Variants in WDR88 observed in about 807,000 individuals in gnomAD.
The protein encoded by WDR88 is WD repeat-containing protein 88.
Under a neutral mutation model 46.8 loss-of-function variants are expected in WDR88, and 40 were observed. The ratio of observed to expected loss-of-function variants is 0.86; its 90% CI spans 0.66 to 1.11. WDR88 has a LOEUF of 1.11. WDR88 is among the 50% of genes most tolerant of loss of function. WDR88 has a pLI of 0.00. For missense variants in WDR88, 562 were observed against 602.4 expected, an observed-to-expected ratio of 0.93 and a Z score of 0.70; for synonymous variants, 235 against 240.7, an observed-to-expected ratio of 0.98 and a Z score of 0.22.
At chr19:33,145,018 G>C in intron 3 of WDR88, 86 bp downstream of exon 3, 1 of 1,305,678 alleles carries the variant, frequency 7.7e-7, no homozygotes, top group Non-Finnish European at 1.1e-6. Context: ...TTTTGTTTTT[G>C]TTTTAAGTAA....
chr19:33,168,032 C>CTTTCT (rs544368936), intron 9 of WDR88, among the ~76,000 whole-genome samples: 13,743 of 137,712 alleles, frequency 0.1, 1,048 homozygotes, highest in Admixed American at 0.24. Context: ...TGATTTCTTT[C>CTTTCT]TTTTTTTTTT....
In WDR88 at chr19:33,148,698, C is replaced by T. The variant is rs1973569512; in HGVS notation, c.541-74C>T. On this transcript the variant is annotated intron_variant, in intron 4 of 10. Transcript: ENST00000355868. ...AAGCGATCCTCCAGCCTTGGCCTCC[C>T]AAAGCACTGGGTTTACAGGTGTAAC... 7 of 1,589,542 alleles carry T rather than the reference C, an allele frequency of 4.4e-6. No individual in the cohort carries two copies. In the South Asian group the frequency reaches 7.9e-5, roughly 18 times the overall value.
intron 8 of WDR88, among the ~76,000 whole-genome samples, chr19:33,163,793 C>T (rs947603155): frequency 2.6e-5 from 4 of 151,698 alleles, no homozygotes; most frequent in African/African-American, 7.3e-5. Flanking sequence ...CCACCATGCT[C>T]GGCTAATATT....
chr19:33,163,847 T>A lies in WDR88; in HGVS notation c.1081-350T>A, dbSNP rs1166081531. Reference sequence around the variant, plus strand: ...TGGGGTTTCACTATGTTGCCCGGGCTGGTCTCAAACTCCTAGACTCAAGCA... The same window carrying A: ...TGGGGTTTCACTATGTTGCCCGGGCAGGTCTCAAACTCCTAGACTCAAGCA... On this transcript the variant is annotated intron_variant, in intron 8 of 10. Transcript: ENST00000355868. Among the ~76,000 whole-genome samples, 3 of 152,162 alleles carry A rather than the reference T, an allele frequency of 2.0e-5. No homozygotes were observed. The East Asian group carries it at 5.8e-4, about 29-fold the overall frequency.
At position 33,144,786 on chromosome 19, in the gene WDR88, G is replaced by A. The variant is rs537672757; in HGVS notation, c.388-58G>A. 1.3e-4 allele frequency: 203 copies of A among 1,527,464 alleles called. 1 individual carries two copies. The highest frequency in any genetic ancestry group is 1.8e-4 in the Non-Finnish European group (199 of 1,110,770). 94.6% of individuals were successfully genotyped at this position (1,527,464 alleles called of 1,614,324 possible). On this transcript the variant is annotated intron_variant, in intron 2 of 10. Coordinates refer to ENST00000355868, the MANE Select transcript of WDR88 (RefSeq NM_173479.4). ...AGGGCTAATGTTGACCTCGATTTACGACTTCAGCAAACACGGCAGTGACCA... is the reference window on the plus strand; with the variant it reads ...AGGGCTAATGTTGACCTCGATTTACAACTTCAGCAAACACGGCAGTGACCA...
chr19:33,157,586 TA>T (rs1366164724), intron 7 of WDR88, among the ~76,000 whole-genome samples: 1 of 144,812 alleles, frequency 6.9e-6, no homozygotes, highest in Admixed American at 7.1e-5. Context: ...TATATATATG[TA>T]TATATGTGTA....
At chr19:33,171,139 C>T (rs556499135) in intron 9 of WDR88, among the ~76,000 whole-genome samples, 1 of 152,188 alleles carries the variant, frequency 6.6e-6, no homozygotes, top group Non-Finnish European at 1.5e-5. Flanking sequence ...GCATGCAGCA[C>T]CAGGCCTGGC....
At chr19:33,154,931 C>A (rs899886815) in intron 6 of WDR88, among the ~76,000 whole-genome samples, 1 of 152,136 alleles carries the variant, frequency 6.6e-6, no homozygotes, top group Non-Finnish European at 1.5e-5. Flanking sequence ...CTGATCTGAG[C>A]TCTAGAAAAT....
intron 6 of WDR88, 54 bp from the exon 7 acceptor site, chr19:33,156,301 C>T (rs1973733359): frequency 1.9e-6 from 3 of 1,569,938 alleles, no homozygotes; most frequent in East Asian, 4.5e-5. Context: ...GGTATGTCTT[C>T]AGGTCCTCCA....
At chr19:33,155,233 TG>T (rs1399267319) in intron 6 of WDR88, among the ~76,000 whole-genome samples, 1 of 152,098 alleles carries the variant, frequency 6.6e-6, no homozygotes, top group Non-Finnish European at 1.5e-5. Context: ...CTCCACCTCC[TG>T]GGTTCAAGTG....
intron 5 of WDR88, among the ~76,000 whole-genome samples, chr19:33,150,389 C>T (rs555059563): frequency 6.6e-6 from 1 of 152,328 alleles, no homozygotes; most frequent in South Asian, 2.1e-4. Flanking sequence ...GTGGAGGTTG[C>T]AGTGAGCCGA....
chr19:33,169,847 T>A (rs1974009106), intron 9 of WDR88, among the ~76,000 whole-genome samples: 1 of 152,174 alleles, frequency 6.6e-6, no homozygotes, highest in African/African-American at 2.4e-5. Flanking sequence ...ATAGGCTATA[T>A]CTATCTAAAA....
At chr19:33,165,217 A>G (rs1973933818) in intron 9 of WDR88, among the ~76,000 whole-genome samples, 1 of 152,120 alleles carries the variant, frequency 6.6e-6, no homozygotes, top group South Asian at 2.1e-4. Context: ...CTAACAGGCC[A>G]CAGACTGGGG....
Position 33,137,737 on chromosome 19 carries a change from G to T in WDR88, c.337G>T (p.Asp113Tyr). The change falls in exon 2 of 11, where the codon GAT (aspartate) becomes TAT (tyrosine). Residue 113 changes from aspartate to tyrosine, a missense_variant. Physicochemically the swap from Asp to Tyr is radical, Grantham distance 160. Coordinates refer to ENST00000355868, the MANE Select transcript of WDR88 (RefSeq NM_173479.4). Reference sequence around the variant, plus strand: ...TGTGAGCACCTGCCACTTCTGTGTGGATGACACAAAGCTCCTCAGTGGCTC... The same window carrying T: ...TGTGAGCACCTGCCACTTCTGTGTGTATGACACAAAGCTCCTCAGTGGCTC... ...HAVSTCHFCV[D>Y]DTKLLSGSYD... is the part of the protein sequence containing the mutation. 6.2e-7 allele frequency: 1 copy of T among 1,613,922 alleles called. No homozygotes were observed. Among genetic ancestry groups the T allele is most frequent in the Non-Finnish European group, 8.5e-7 (1 of 1,180,020 alleles).
chr19:33,134,202 G>GA (rs953910256), intron 1 of WDR88, among the ~76,000 whole-genome samples: 2 of 152,132 alleles, frequency 1.3e-5, no homozygotes, highest in Non-Finnish European at 2.9e-5. Context: ...ACTGTGTGCA[G>GA]AAAAAAACCT....
rs887231542 is a variant in WDR88, at chr19:33,133,200, G to T, written c.276+755G>T. On this transcript the variant is annotated intron_variant, in intron 1 of 10. Coordinates refer to ENST00000355868, the MANE Select transcript of WDR88 (RefSeq NM_173479.4). The stretch of plus-strand genomic sequence containing the variant: ...ATAAATAAATAAATAAATAAATATA[G>T]AGAGAGAGAGAGAAAGAAAGAAAGA... Among the ~76,000 whole-genome samples the T allele has an allele frequency of 2.5e-3, 334 of 135,094 alleles. 3 individuals carry two copies. The highest frequency in any genetic ancestry group is 0.01 in the African/African-American group (312 of 30,734). 88.6% of individuals were successfully genotyped at this position (135,094 alleles called of 152,430 possible). A position where few individuals can be genotyped will look rare whatever the true frequency, so the allele number is the denominator to read the frequency against.
intron 10 of WDR88, chr19:33,175,067 T>C: frequency 1.1e-6 from 1 of 934,130 alleles, no homozygotes; most frequent in East Asian, 1.2e-4. Flanking sequence ...AAACCCCATC[T>C]CTACTAAAAA....
At chr19:33,169,903 G>T (rs1974010058) in intron 9 of WDR88, among the ~76,000 whole-genome samples, 1 of 152,114 alleles carries the variant, frequency 6.6e-6, no homozygotes, top group African/African-American at 2.4e-5. Flanking sequence ...TTGAGATGGA[G>T]TTTCTCTCTT....
At chr19:33,168,522 C>T (rs1973989817) in intron 9 of WDR88, among the ~76,000 whole-genome samples, 1 of 152,132 alleles carries the variant, frequency 6.6e-6, no homozygotes, top group Non-Finnish European at 1.5e-5. Context: ...TTTACAATGG[C>T]ATATAAAACA....
Sources: allele counts gnomAD v4.1 joint callset (sites outside exome capture counted in the v4.1 genomes callset), GRCh38; gene constraint gnomAD v4.1.1; transcripts MANE v1.5; gene names NCBI Gene and HGNC (gene_info 2026-07-23, HGNC 2026-07-21).